DDHD1: variants seen among roughly 807,000 people sequenced by gnomAD.
DDHD1 encodes the protein DDHD domain containing 1.
Under a neutral mutation model 96.4 loss-of-function variants are expected in DDHD1, and 49 were observed. The ratio of observed to expected loss-of-function variants is 0.51; its 90% confidence interval spans 0.40 to 0.64. DDHD1 has a LOEUF of 0.64. Among genes scored for constraint, DDHD1 ranks in the 30% least tolerant of loss-of-function variants. The pLI is 0.00. For synonymous variants in DDHD1, 442 were observed against 446.5 expected, an observed-to-expected ratio of 0.99 and a Z score of 0.13; for missense variants, 1,106 against 1,161.2, an observed-to-expected ratio of 0.95 and a Z score of 0.69.
intron 2 of DDHD1, chr14:53,103,107 T>C: frequency 6.6e-7 from 1 of 1,523,852 alleles, no homozygotes. Flanking sequence ...TTTTGAAGTT[T>C]ACTCAAGATT....
At chr14:53,144,607 G>A (rs1890853626) in intron 1 of DDHD1, among the ~76,000 whole-genome samples, 1 of 152,176 alleles carries the variant, frequency 6.6e-6, no homozygotes, top group Non-Finnish European at 1.5e-5. Flanking sequence ...ACAGATACCA[G>A]ATGTTAAAAT....
chr14:53,103,691 C>T lies in DDHD1; in HGVS notation c.1004G>A (p.Gly335Glu). 1 of 1,608,988 alleles carries T rather than the reference C, an allele frequency of 6.2e-7. No homozygotes were observed. Among genetic ancestry groups the T allele is most frequent in the Non-Finnish European group, 8.5e-7 (1 of 1,178,314 alleles). ...FDIEVSKSIDGKDAVHSFKLS... is the reference protein window; with the variant it reads ...FDIEVSKSIDEKDAVHSFKLS... ...GTATCAATTGATCTTACCATCTTTT[C>T]CATCTATGGATTTTGACACTTCAAT... The change falls in exon 2 of 13, where the codon GGA becomes GAA. Residue 335 changes from glycine to glutamate, a missense_variant. Physicochemically the swap from Gly to Glu is moderately conservative, Grantham distance 98 (BLOSUM62 -2). Coordinates refer to ENST00000673822, the MANE Select transcript of DDHD1 (RefSeq NM_001160148.2).
At chr14:53,109,684 G>C (rs1887964358) in intron 1 of DDHD1, among the ~76,000 whole-genome samples, 1 of 152,082 alleles carries the variant, frequency 6.6e-6, no homozygotes, top group Admixed American at 6.6e-5. Context: ...TTATCTTCCA[G>C]ACCCAGAAGC....
At chr14:53,141,220 CAA>C (rs1233890700) in intron 1 of DDHD1, among the ~76,000 whole-genome samples, 1 of 152,064 alleles carries the variant, frequency 6.6e-6, no homozygotes, top group African/African-American at 2.4e-5. Flanking sequence ...GTAGAAAGAA[CAA>C]AAGAGATTAA....
Position 53,072,603 on chromosome 14 carries a change from T to TCAG in DDHD1, c.1496_1497insCTG (p.Arg499delinsSerTer). The stretch of plus-strand genomic sequence containing the variant: ...AGATAATCATGACACTTACTTCATC[T>TCAG]CTATAAAGTGGACTAGTATAATACA... On this transcript the variant is annotated stop_gained and protein_altering_variant, in exon 6 of 13. Coordinates refer to ENST00000673822, the MANE Select transcript of DDHD1 (RefSeq NM_001160148.2). LOFTEE classifies it high-confidence loss of function. The TCAG allele has an allele frequency of 6.6e-7, 1 of 1,522,786 alleles. No individual in the cohort carries two copies. 94.3% of individuals were successfully genotyped at this position (1,522,786 alleles called of 1,614,324 possible).
chr14:53,117,479 A>T (rs1394063203), intron 1 of DDHD1, among the ~76,000 whole-genome samples: 3 of 152,210 alleles, frequency 2.0e-5, no homozygotes, highest in Non-Finnish European at 4.4e-5. Context: ...CAACCGGCAG[A>T]CCAGGAGATA....
chr14:53,083,177 G>C (rs971688588), intron 4 of DDHD1, among the ~76,000 whole-genome samples: 6 of 151,872 alleles, frequency 4.0e-5, no homozygotes, highest in Non-Finnish European at 7.4e-5. Flanking sequence ...TGTACTTACG[G>C]GTTTATGCCT....
chr14:53,129,947 A>G (rs1889740449), intron 1 of DDHD1, among the ~76,000 whole-genome samples: 1 of 152,164 alleles, frequency 6.6e-6, no homozygotes, highest in Non-Finnish European at 1.5e-5. Context: ...TCTTTTACAC[A>G]TCGGTCCCTC....
chr14:53,087,408 GAAGTA>G (rs1300131423), intron 4 of DDHD1, among the ~76,000 whole-genome samples: 1 of 152,088 alleles, frequency 6.6e-6, no homozygotes, highest in Non-Finnish European at 1.5e-5. Flanking sequence ...CACACAGTTG[GAAGTA>G]AAGCACTCCT....
At position 53,093,442 on chromosome 14, in the gene DDHD1, CA is replaced by C; in HGVS notation, c.1014del (p.Val339PhefsTer6). ...EVSKSIDGKD[A>X]VHSFKLSRNH... ...TTTCGACTCAACTTGAAACTATGAA[CA>C]GCTATTGCAAAAAGGAAAAGCTAAT... On this transcript the variant is annotated frameshift_variant and splice_region_variant, in exon 3 of 13. Coordinates refer to ENST00000673822, the MANE Select transcript of DDHD1 (RefSeq NM_001160148.2). LOFTEE classifies it high-confidence loss of function. 6.2e-7 allele frequency: 1 copy of C among 1,606,626 alleles called. No individual in the cohort carries two copies. Among genetic ancestry groups the C allele is most frequent in the Non-Finnish European group, 8.5e-7 (1 of 1,177,930 alleles).
chr14:53,041,881 T>C lies in DDHD1; in HGVS notation c.*4887A>G, dbSNP rs1881682171. On this transcript the variant is annotated 3_prime_UTR_variant, in exon 13 of 13. Coordinates refer to ENST00000673822, the MANE Select transcript of DDHD1 (RefSeq NM_001160148.2). ...AGCTTAAAGCATCAGATTACAGAGG[T>C]GTATGTGTGGAGGGGAGGTTGGGGG... The C allele has an allele frequency of 6.6e-6, 1 of 151,234 alleles. No homozygotes were observed. The allele number at this position is 151,234 out of a possible 1,614,324, so 9.4% of individuals were successfully genotyped here.
intron 1 of DDHD1, 86 bp downstream of exon 1, chr14:53,152,175 G>C: frequency 1.5e-6 from 2 of 1,355,904 alleles, no homozygotes; most frequent in Non-Finnish European, 2.0e-6. Flanking sequence ...CTCCCTCTTC[G>C]CGGCGACCAG....
At chr14:53,066,624 A>G (rs1884042477) in intron 6 of DDHD1, among the ~76,000 whole-genome samples, 1 of 152,148 alleles carries the variant, frequency 6.6e-6, no homozygotes, top group Non-Finnish European at 1.5e-5. Context: ...GCCTAACACC[A>G]ATGCCATGTT....
intron 12 of DDHD1, among the ~76,000 whole-genome samples, chr14:53,051,048 G>A (rs956161756): frequency 1.3e-5 from 2 of 150,226 alleles, no homozygotes; most frequent in African/African-American, 2.4e-5. Flanking sequence ...CTGAAGTAAT[G>A]TAAGAGTTTT....
intron 4 of DDHD1, among the ~76,000 whole-genome samples, chr14:53,080,553 C>T (rs1327092205): frequency 6.6e-6 from 1 of 151,730 alleles, no homozygotes; most frequent in Non-Finnish European, 1.5e-5. Flanking sequence ...TTTTTCTTTG[C>T]CATATATTTT....
At chr14:53,122,799 C>A (rs1232223063) in intron 1 of DDHD1, among the ~76,000 whole-genome samples, 1 of 151,790 alleles carries the variant, frequency 6.6e-6, no homozygotes, top group Non-Finnish European at 1.5e-5. Context: ...GAACTCCTGA[C>A]CTTGTGATCT....
chr14:53,098,636 G>A (rs1234355630), intron 2 of DDHD1, among the ~76,000 whole-genome samples: 4 of 152,036 alleles, frequency 2.6e-5, no homozygotes, highest in African/African-American at 7.2e-5. Context: ...AATCCTCTTA[G>A]TCACCAAAGA....
In DDHD1 at chr14:53,102,977, GA is replaced by G. The variant is rs919981765; in HGVS notation, c.1012+705del. Reference sequence around the variant, plus strand: ...CATGGATGAAGAAACGGTTTTAGAAGAAAAACTTCAGACAAATCTACAAATT... The same window carrying G: ...CATGGATGAAGAAACGGTTTTAGAAGAAAACTTCAGACAAATCTACAAATT... On this transcript the variant is annotated intron_variant, in intron 2 of 12. Coordinates refer to ENST00000673822, the MANE Select transcript of DDHD1 (RefSeq NM_001160148.2). The G allele has an allele frequency of 8.5e-6, 13 of 1,530,362 alleles. No individual in the cohort carries two copies. In the Admixed American group the frequency reaches 1.0e-4, roughly 12 times the overall value. 94.8% of individuals were successfully genotyped at this position (1,530,362 alleles called of 1,614,324 possible).
At chr14:53,092,198 A>G (rs1352580794) in intron 3 of DDHD1, 11 of 245,636 alleles carry the variant, frequency 4.5e-5, no homozygotes, top group East Asian at 7.5e-5. Flanking sequence ...TAAAGCTTCT[A>G]TATTATAATA....
Sources: allele counts gnomAD v4.1 joint callset (sites outside exome capture counted in the v4.1 genomes callset), GRCh38; gene constraint gnomAD v4.1.1; transcripts MANE v1.5; gene names NCBI Gene and HGNC (gene_info 2026-07-23, HGNC 2026-07-21).